Variants in SDK1 observed in about 807,000 individuals in gnomAD.
SDK1 encodes the protein protein sidekick-1.
A neutral mutation model predicts 245.5 loss-of-function variants in SDK1; 157 were observed. The ratio of observed to expected loss-of-function variants is 0.64; its 90% confidence interval spans 0.56 to 0.73. SDK1 has a LOEUF of 0.73. Ranked by LOEUF, SDK1 falls within the 30% of genes least tolerant of loss-of-function variation. SDK1 has a pLI of 0.00. For synonymous variants in SDK1, 1,647 were observed against 1,278.5 expected (o/e 1.29, Z -6.15); for missense variants, 3,583 against 3,002.3 (o/e 1.19, Z -4.52).
At chr7:4,179,412 G>A (rs916714794) in intron 35 of SDK1, among the ~76,000 whole-genome samples, 12 of 152,166 alleles carry the variant, frequency 7.9e-5, no homozygotes, top group East Asian at 1.9e-4. Flanking sequence ...GGGCAGGGGC[G>A]GCTCGGACTG....
chr7:3,821,295 C>T (rs562277506), intron 4 of SDK1, among the ~76,000 whole-genome samples, 155 bp from the exon 5 acceptor site: 40 of 152,300 alleles, frequency 2.6e-4, no homozygotes, highest in South Asian at 1.0e-3. Context: ...CTGGCGTTGT[C>T]GTATTCTTAA....
At chr7:3,975,375 G>A (rs1782838435) in intron 13 of SDK1, among the ~76,000 whole-genome samples, 1 of 152,198 alleles carries the variant, frequency 6.6e-6, no homozygotes, top group South Asian at 2.1e-4. Flanking sequence ...GTCATCGTTT[G>A]ACATGCTGGG....
intron 4 of SDK1, among the ~76,000 whole-genome samples, chr7:3,703,499 G>C (rs1037648878): frequency 6.6e-6 from 1 of 152,206 alleles, no homozygotes; most frequent in South Asian, 2.1e-4. Context: ...CAAGAGGGAG[G>C]TGTGTATGGT....
At chr7:3,517,240 A>G (rs935360211) in intron 1 of SDK1, among the ~76,000 whole-genome samples, 1 of 152,164 alleles carries the variant, frequency 6.6e-6, no homozygotes, top group Non-Finnish European at 1.5e-5. Context: ...ACGCATGTTC[A>G]TCATTATGTA....
intron 4 of SDK1, among the ~76,000 whole-genome samples, chr7:3,795,108 G>T (rs1034746089): frequency 1.3e-5 from 2 of 152,056 alleles, no homozygotes; most frequent in Admixed American, 6.5e-5. Flanking sequence ...CCTCAGTGAG[G>T]GCAAGTAGCT....
chr7:3,657,493 G>A (rs1450825601), intron 4 of SDK1, among the ~76,000 whole-genome samples: 1 of 152,120 alleles, frequency 6.6e-6, no homozygotes, highest in Non-Finnish European at 1.5e-5. Context: ...AGGGTGGTGT[G>A]GAAGGCACAC....
rs1052376694 is a variant in SDK1, at chr7:3,618,766, A to C, written c.299-314A>C. On this transcript the variant is annotated intron_variant, in intron 1 of 44. Coordinates refer to ENST00000404826, the MANE Select transcript of SDK1 (RefSeq NM_152744.4). The stretch of plus-strand genomic sequence containing the variant: ...CAAATAGATTGCCTAGTTAAAACCA[A>C]AAGCTTGTATGTACAGGGATTGTCC... Among the ~76,000 whole-genome samples the C allele has an allele frequency of 3.9e-5, 6 of 152,254 alleles. No homozygotes were observed. In the South Asian group the frequency reaches 1.0e-3, roughly 26 times the overall value.
At chr7:4,019,309 C>G (rs1786678357) in intron 17 of SDK1, among the ~76,000 whole-genome samples, 1 of 152,220 alleles carries the variant, frequency 6.6e-6, no homozygotes. Flanking sequence ...AGAACCAGCA[C>G]TGACATCCAG....
chr7:3,466,255 C>T (rs1028813258), intron 1 of SDK1, among the ~76,000 whole-genome samples: 4 of 151,590 alleles, frequency 2.6e-5, no homozygotes, highest in Non-Finnish European at 5.9e-5. Context: ...TATGCTAGTT[C>T]TGGGAGCCGT....
intron 4 of SDK1, among the ~76,000 whole-genome samples, chr7:3,685,611 T>G (rs1026404034): frequency 3.3e-5 from 5 of 152,154 alleles, no homozygotes; most frequent in Non-Finnish European, 5.9e-5. Flanking sequence ...AATTGTAACT[T>G]TATGTGCTAC....
At chr7:4,021,207 T>A (rs183942760) in intron 17 of SDK1, among the ~76,000 whole-genome samples, 3 of 152,208 alleles carry the variant, frequency 2.0e-5, no homozygotes, top group Non-Finnish European at 2.9e-5. Flanking sequence ...GAGACTGTCA[T>A]TCATGAAATA....
intron 1 of SDK1, among the ~76,000 whole-genome samples, chr7:3,495,218 C>T (rs184851041): frequency 5.9e-5 from 9 of 151,480 alleles, no homozygotes; most frequent in African/African-American, 1.9e-4. Flanking sequence ...TCAGCGAGGC[C>T]CCTTTCTGTT....
At chr7:4,182,086 A>C (rs985911772) in intron 35 of SDK1, among the ~76,000 whole-genome samples, 1 of 152,014 alleles carries the variant, frequency 6.6e-6, no homozygotes, top group Non-Finnish European at 1.5e-5. Flanking sequence ...CGCCCAGCTA[A>C]TTTTTTGTAC....
intron 4 of SDK1, among the ~76,000 whole-genome samples, chr7:3,791,756 C>G (rs1271322314): frequency 6.6e-6 from 1 of 152,160 alleles, no homozygotes; most frequent in Non-Finnish European, 1.5e-5. Context: ...GGAGAGTGCT[C>G]TATGGATGCC....
At chr7:4,068,448 C>T (rs1241540473) in intron 20 of SDK1, among the ~76,000 whole-genome samples, 1 of 152,176 alleles carries the variant, frequency 6.6e-6, no homozygotes, top group Non-Finnish European at 1.5e-5. Context: ...GCTTACGTGC[C>T]TGTGTCTCAG....
intron 1 of SDK1, among the ~76,000 whole-genome samples, chr7:3,336,629 T>C (rs1780207548): frequency 6.7e-6 from 1 of 148,906 alleles, no homozygotes; most frequent in Non-Finnish European, 1.5e-5. Context: ...TTGGTATAAA[T>C]AGGGCCCCCG....
chr7:3,576,655 C>T (rs193061499), intron 1 of SDK1, among the ~76,000 whole-genome samples: 5 of 152,074 alleles, frequency 3.3e-5, no homozygotes, highest in African/African-American at 7.2e-5. Context: ...GTGTAGGCAA[C>T]GTTATCGATA....
chr7:3,986,194 A>C (rs955214723), intron 13 of SDK1, among the ~76,000 whole-genome samples: 1 of 118,118 alleles, frequency 8.5e-6, no homozygotes, highest in Non-Finnish European at 2.0e-5. Flanking sequence ...AGTCCCAGTA[A>C]AAACTTTTTT....
chr7:3,573,902 G>GTTTTGTGTCCT lies in SDK1; in HGVS notation c.299-45173_299-45163dup, dbSNP rs369314005. Among the ~76,000 whole-genome samples, 1,348 of 152,100 alleles carry GTTTTGTGTCCT rather than the reference G, an allele frequency of 8.9e-3. 26 individuals are homozygous for GTTTTGTGTCCT. The highest frequency in any genetic ancestry group is 0.031 in the African/African-American group (1,270 of 41,536). ...AACTGAATGTGTAATTAAGCACTAT[G>GTTTTGTGTCCT]TTTTGTGTCCTTTTTATGACAGGTT... On this transcript the variant is annotated intron_variant, in intron 1 of 44. Coordinates refer to ENST00000404826, the MANE Select transcript of SDK1 (RefSeq NM_152744.4).
Sources: allele counts gnomAD v4.1 joint callset (sites outside exome capture counted in the v4.1 genomes callset), GRCh38; gene constraint gnomAD v4.1.1; transcripts MANE v1.5; gene names NCBI Gene and HGNC (gene_info 2026-07-23, HGNC 2026-07-21).